INTS1: variants seen among roughly 807,000 people sequenced by gnomAD.
The protein encoded by INTS1 is integrator complex subunit 1.
In INTS1, 137 loss-of-function variants were observed where a neutral mutation model predicts 241.6. The observed-to-expected ratio is 0.57, with a 90% CI of 0.49 to 0.65. The LOEUF is 0.65. Among genes scored for constraint, INTS1 ranks in the 30% least tolerant of loss-of-function variants. The pLI, the probability that INTS1 is intolerant of heterozygous loss-of-function variation, is 0.00. For synonymous variants in INTS1, 1,692 were observed against 1,337.8 expected (o/e 1.26, Z -5.78); for missense variants, 3,073 against 3,032.2 (o/e 1.01, Z -0.32).
intron 18 of INTS1, among the ~76,000 whole-genome samples, chr7:1,489,035 C>A (rs538286552): frequency 6.6e-6 from 1 of 152,298 alleles, no homozygotes; most frequent in East Asian, 1.9e-4. Flanking sequence ...ATCGCACCAC[C>A]CCCAGCCTGC....
chr7:1,479,326 G>A (rs1781881920), intron 31 of INTS1, 104 bp downstream of exon 31: 1 of 1,322,146 alleles, frequency 7.6e-7, no homozygotes, highest in African/African-American at 1.5e-5. Flanking sequence ...TGGAAACTGA[G>A]ACCCAAGACC....
intron 44 of INTS1, chr7:1,471,856 A>C: frequency 1.7e-6 from 1 of 596,876 alleles, no homozygotes; most frequent in Non-Finnish European, 3.0e-6. Context: ...AGAGGGGTTG[A>C]CCCCTCACGG....
chr7:1,476,733 G>A (rs1198670930), intron 36 of INTS1, 61 bp downstream of exon 36: 3 of 1,612,160 alleles, frequency 1.9e-6, no homozygotes, highest in Admixed American at 1.7e-5. Flanking sequence ...GCCGGCGCTG[G>A]GAGATTTCTG....
At position 1,494,819 on chromosome 7, in the gene INTS1, C is replaced by T. The variant is rs1438388271; in HGVS notation, c.1907G>A (p.Arg636His). 3 of 1,562,110 alleles carry T rather than the reference C, an allele frequency of 1.9e-6. No individual in the cohort carries two copies. The highest frequency in any genetic ancestry group is 2.6e-6 in the Non-Finnish European group (3 of 1,154,138). ...KWDNWPPESD[R>H]NFFLRLCSEV... is the part of the protein sequence containing the mutation. The stretch of plus-strand genomic sequence containing the variant: ...CCCCAGGCGGCAGCGCACTCACTTG[C>T]GGTCACTCTCGGGTGGCCAGTTGTC... The change falls in exon 14 of 48, where the codon CGC (arginine) becomes CAC (histidine). Residue 636 changes from arginine to histidine, a missense_variant. Coordinates refer to ENST00000404767, the MANE Select transcript of INTS1 (RefSeq NM_001080453.3).
chr7:1,474,567 C>T (rs1368278596), intron 40 of INTS1, 138 bp downstream of exon 40: 3 of 1,303,484 alleles, frequency 2.3e-6, no homozygotes, highest in African/African-American at 3.0e-5. Context: ...TCCTGACTTC[C>T]CCCGGTCAAG....
At chr7:1,487,228 T>A in intron 20 of INTS1, 92 bp downstream of exon 20, 1 of 1,511,246 alleles carries the variant, frequency 6.6e-7, no homozygotes, top group East Asian at 2.5e-5. Flanking sequence ...CGCATCCAGG[T>A]GTGTCCTGCC....
chr7:1,489,146 C>T (rs943174354), intron 18 of INTS1, among the ~76,000 whole-genome samples, 198 bp downstream of exon 18: 1 of 152,226 alleles, frequency 6.6e-6, no homozygotes, highest in African/African-American at 2.4e-5. Context: ...CAATCCACAC[C>T]CCCTCTCCCG....
rs918079338 is a variant in INTS1 at position 1,479,549 on chromosome 7, G to A, written c.4210C>T (p.Arg1404Cys). 1.0e-5 allele frequency: 16 copies of A among 1,555,400 alleles called. No homozygotes were observed. Among genetic ancestry groups the A allele is most frequent in the African/African-American group, 8.2e-5 (6 of 73,358 alleles). ...GSPEVPGITV[R>C]VLQALATLLS... The stretch of plus-strand genomic sequence containing the variant: ...AGGGTGGCGAGGGCCTGCAGGACAC[G>A]CACCGTGATGCCCGGCACCTCGGGG... Residue 1404 changes from arginine (R) to cysteine (C), a missense_variant, in exon 31 of 48, where the codon CGT becomes TGT. By Grantham distance (180) the Arg-to-Cys change is radical. Coordinates refer to ENST00000404767, the MANE Select transcript of INTS1 (RefSeq NM_001080453.3).
chr7:1,494,742 T>TGCCGCAGCCGGCCCGGCAC, intron 14 of INTS1, 74 bp downstream of exon 14: 4 of 1,461,260 alleles, frequency 2.7e-6, no homozygotes, highest in Non-Finnish European at 3.7e-6. Flanking sequence ...TGGCCCTTCC[T>TGCCGCAGCCGGCCCGGCAC]GCCGCAGCCG....
intron 9 of INTS1, 33 bp from the exon 10 acceptor site, chr7:1,498,586 G>A (rs375248400): frequency 2.2e-5 from 36 of 1,610,572 alleles, no homozygotes; most frequent in African/African-American, 1.9e-4. Context: ...CCCTGTCCCC[G>A]CTACGCCTGT....
intron 16 of INTS1, among the ~76,000 whole-genome samples, chr7:1,492,199 G>A (rs1357572077): frequency 1.3e-5 from 2 of 152,196 alleles, no homozygotes; most frequent in South Asian, 2.1e-4. Flanking sequence ...AGCACCGTCC[G>A]TCAGCAGGGG....
intron 26 of INTS1, 43 bp downstream of exon 26, chr7:1,483,699 A>G (rs1583118218): frequency 2.0e-6 from 3 of 1,502,130 alleles, no homozygotes; most frequent in Non-Finnish European, 2.8e-6. Context: ...GCTGTGGCCC[A>G]CCTGGCACGA....
At chr7:1,500,101 AG>A in intron 4 of INTS1, 68 bp downstream of exon 4, 2 of 1,588,948 alleles carry the variant, frequency 1.3e-6, no homozygotes, top group South Asian at 2.3e-5. Context: ...GGGACACTTA[AG>A]GGGGAGGTGA....
chr7:1,487,524 C>T, intron 19 of INTS1, 75 bp from the exon 20 acceptor site: 1 of 1,520,728 alleles, frequency 6.6e-7, no homozygotes, highest in South Asian at 1.2e-5. Context: ...TCCTCCCATC[C>T]CTGCTTCGAG....
At chr7:1,490,507 G>A (rs1028226033) in intron 16 of INTS1, among the ~76,000 whole-genome samples, 4 of 152,022 alleles carry the variant, frequency 2.6e-5, no homozygotes, top group Admixed American at 1.3e-4. Context: ...AAAGGGTGTC[G>A]CCTCTGGATA....
intron 16 of INTS1, among the ~76,000 whole-genome samples, chr7:1,492,514 A>G (rs1782606609): frequency 6.6e-6 from 1 of 152,242 alleles, no homozygotes; most frequent in Non-Finnish European, 1.5e-5. Flanking sequence ...TTAAATTATA[A>G]TGAAAGTTGT....
chr7:1,476,698 C>T (rs1170024792), intron 36 of INTS1, 41 bp from the exon 37 acceptor site: 1 of 1,612,344 alleles, frequency 6.2e-7, no homozygotes, highest in South Asian at 1.1e-5. Context: ...GGTGTCTCGT[C>T]TCAGCATGGG....
intron 18 of INTS1, 108 bp downstream of exon 18, chr7:1,489,236 G>C (rs528553994): frequency 1.0e-5 from 2 of 196,598 alleles, no homozygotes; most frequent in African/African-American, 1.9e-4. Context: ...AAGATGCTAA[G>C]ATGCTGATGC....
chr7:1,482,652 T>C lies in INTS1; in HGVS notation c.3597A>G (p.Pro1199=). 6.2e-7 allele frequency: 1 copy of C among 1,612,796 alleles called. No individual in the cohort carries two copies. The highest frequency in any genetic ancestry group is 8.5e-7 in the Non-Finnish European group (1 of 1,179,864). The change falls in exon 27 of 48, where the codon CCA becomes CCG. Residue 1199 remains proline, a synonymous_variant. Coordinates refer to ENST00000404767, the MANE Select transcript of INTS1 (RefSeq NM_001080453.3). ...LLDIWFPEEK[P]LPTAFLVDTS... ...TGTCCACCAGGAAGGCGGTGGGCAG[T>C]GGCTTCTCCTCCGGAAACCAGATGT...
Sources: allele counts gnomAD v4.1 joint callset (sites outside exome capture counted in the v4.1 genomes callset), GRCh38; gene constraint gnomAD v4.1.1; transcripts MANE v1.5; gene names NCBI Gene and HGNC (gene_info 2026-07-23, HGNC 2026-07-21).